The following KAZN variants were observed in gnomAD, a reference collection of about 807,000 sequenced individuals.
The protein encoded by KAZN is kazrin, periplakin interacting protein.
Under a neutral mutation model 87.4 loss-of-function variants are expected in KAZN, and 40 were observed. The ratio of observed to expected loss-of-function variants is 0.46; its 90% CI spans 0.36 to 0.60. KAZN has a LOEUF of 0.60. Among genes scored for constraint, KAZN ranks in the 20% least tolerant of loss-of-function variants. KAZN has a pLI of 0.00. For missense variants in KAZN, 898 were observed against 1,073.9 expected (o/e 0.84, Z 2.29); for synonymous variants, 466 against 458.3 (o/e 1.02, Z -0.22).
intron 2 of KAZN, among the ~76,000 whole-genome samples, chr1:14,590,887 A>G (rs968028555): frequency 6.6e-6 from 1 of 152,176 alleles, no homozygotes; most frequent in Non-Finnish European, 1.5e-5. Flanking sequence ...GTGTCTCAGA[A>G]CTAGTACGTG....
intron 1 of KAZN, among the ~76,000 whole-genome samples, chr1:14,742,210 A>C (rs1644122528): frequency 6.6e-6 from 1 of 152,194 alleles, no homozygotes; most frequent in South Asian, 2.1e-4. Flanking sequence ...CGTCCTGTTC[A>C]CTGCCTGTTC....
At chr1:14,656,125 C>G (rs1638774898) in intron 1 of KAZN, among the ~76,000 whole-genome samples, 1 of 152,106 alleles carries the variant, frequency 6.6e-6, no homozygotes, top group Admixed American at 6.5e-5. Flanking sequence ...GAATGAATCT[C>G]TGGGATGACC....
chr1:14,252,433 G>T (rs1650128916), intron 2 of KAZN, among the ~76,000 whole-genome samples: 1 of 152,124 alleles, frequency 6.6e-6, no homozygotes, highest in Non-Finnish European at 1.5e-5. Context: ...TGATACCACT[G>T]CCCCATGAAT....
Position 14,384,279 on chromosome 1 carries a change from C to T in KAZN, c.249+203687C>T, listed in dbSNP as rs544078153. 2.0e-4 allele frequency among the ~76,000 whole-genome samples: 31 copies of T among 152,004 alleles called. No individual in the cohort carries two copies. In the East Asian group the frequency reaches 5.8e-3, roughly 28 times the overall value. On this transcript the variant is annotated intron_variant, in intron 2 of 16. Transcript: ENST00000636203. ...TCTGCAAACAGGGATAATTTGACTT[C>T]CTCTTTTCCTAATTGAATACCCTTT...
intron 2 of KAZN, among the ~76,000 whole-genome samples, chr1:15,003,818 G>A: frequency 6.6e-6 from 1 of 152,032 alleles, no homozygotes; most frequent in East Asian, 1.9e-4. Flanking sequence ...AAATGTCCCT[G>A]CCTGCTGTAC....
At chr1:15,057,809 G>C (rs1375457944) in intron 5 of KAZN, among the ~76,000 whole-genome samples, 1 of 152,214 alleles carries the variant, frequency 6.6e-6, no homozygotes, top group Admixed American at 6.5e-5. Flanking sequence ...GAGGGCAGAG[G>C]TGCAATTTGA....
intron 1 of KAZN, among the ~76,000 whole-genome samples, chr1:14,075,418 TC>T (rs1410635054): frequency 6.6e-6 from 1 of 152,092 alleles, no homozygotes; most frequent in Non-Finnish European, 1.5e-5. Flanking sequence ...AAAATGAATT[TC>T]TTTAGAAGGT....
In KAZN at chr1:14,735,250, C is replaced by T. The variant is rs1298532321; in HGVS notation, c.226+136027C>T. ...AATTTTTTTGTATTTTTAGTAGAGA[C>T]GGGGTTTCACCGTGTTAGCCAGGAT... On this transcript the variant is annotated intron_variant, in intron 1 of 14. Coordinates refer to ENST00000376030, the MANE Select transcript of KAZN (RefSeq NM_201628.3). The surrounding 1 kb of genome is among the most constrained non-coding windows in gnomAD (Gnocchi z 4.3). 2.0e-5 allele frequency among the ~76,000 whole-genome samples: 3 copies of T among 152,092 alleles called. No individual in the cohort carries two copies. Among genetic ancestry groups the T allele is most frequent in the Admixed American group, 6.5e-5 (1 of 15,268 alleles).
chr1:14,957,322 C>T (rs1663235598), intron 1 of KAZN, among the ~76,000 whole-genome samples: 1 of 152,208 alleles, frequency 6.6e-6, no homozygotes, highest in South Asian at 2.1e-4. Flanking sequence ...GGCATTCACC[C>T]CAGTGCCCCC....
chr1:14,486,703 A>T (rs1456678193), intron 2 of KAZN, among the ~76,000 whole-genome samples: 2 of 152,238 alleles, frequency 1.3e-5, no homozygotes, highest in African/African-American at 4.8e-5. Context: ...CTAGGTAATA[A>T]GAGTTGACAC....
intron 1 of KAZN, among the ~76,000 whole-genome samples, chr1:14,156,076 C>T (rs1184315930): frequency 6.6e-6 from 1 of 152,048 alleles, no homozygotes; most frequent in African/African-American, 2.4e-5. Flanking sequence ...TAATTTTCTT[C>T]TTAATTTCTT....
intron 4 of KAZN, among the ~76,000 whole-genome samples, chr1:15,054,288 C>G (rs571740926): frequency 6.6e-6 from 1 of 152,116 alleles, no homozygotes; most frequent in Non-Finnish European, 1.5e-5. Flanking sequence ...CATGTTCACC[C>G]AAAACCTCAG....
chr1:13,901,622 T>C (rs1407258067), intron 1 of KAZN, among the ~76,000 whole-genome samples: 1 of 152,256 alleles, frequency 6.6e-6, no homozygotes, highest in Non-Finnish European at 1.5e-5. Context: ...GTCCTGCCAG[T>C]GGGCCACCAG....
intron 2 of KAZN, among the ~76,000 whole-genome samples, chr1:14,293,634 G>T (rs1380960764): frequency 6.6e-6 from 1 of 151,366 alleles, no homozygotes; most frequent in African/African-American, 2.4e-5. Flanking sequence ...CAATTTTCAT[G>T]AGCATGTTAG....
At chr1:14,444,969 G>A (rs1048761514) in intron 2 of KAZN, among the ~76,000 whole-genome samples, 1 of 151,656 alleles carries the variant, frequency 6.6e-6, no homozygotes. Context: ...AGAGAAAGAG[G>A]TCTTTAATCA....
intron 1 of KAZN, among the ~76,000 whole-genome samples, chr1:14,911,461 C>T (rs1416647222): frequency 1.3e-5 from 2 of 152,212 alleles, no homozygotes; most frequent in Admixed American, 6.5e-5. Flanking sequence ...GGCAGGGAAA[C>T]GCTGGCTCCA....
At chr1:14,845,438 C>T (rs895219083) in intron 1 of KAZN, among the ~76,000 whole-genome samples, 4 of 142,112 alleles carry the variant, frequency 2.8e-5, no homozygotes, top group East Asian at 2.1e-4. Context: ...GGTGGATGGA[C>T]GGATGAGTAA....
chr1:14,092,719 C>T (rs1272180970), intron 1 of KAZN, among the ~76,000 whole-genome samples: 2 of 151,756 alleles, frequency 1.3e-5, no homozygotes, highest in Non-Finnish European at 1.5e-5. Context: ...GTGCAGAAAA[C>T]GTACCTTTAT....
At chr1:14,778,775 C>A (rs892470077) in intron 1 of KAZN, among the ~76,000 whole-genome samples, 3 of 152,108 alleles carry the variant, frequency 2.0e-5, no homozygotes, top group Non-Finnish European at 4.4e-5. Flanking sequence ...CTTAAAAAAA[C>A]AACCATTTTT....
Sources: gnomAD v4.1 joint callset for allele counts (sites outside exome capture counted in the v4.1 genomes callset) on GRCh38, gnomAD v4.1.1 for gene constraint, Gnocchi (gnomAD v3.1) non-coding constraint, MANE v1.5 for transcripts, NCBI Gene and HGNC (gene_info 2026-07-23, HGNC 2026-07-21) for gene names.